FNBP1L: variants seen among roughly 807,000 people sequenced by gnomAD.
The protein encoded by FNBP1L is formin binding protein 1 like.
In FNBP1L, 36 loss-of-function variants were observed where a neutral mutation model predicts 91.2. That is an observed-to-expected ratio of 0.39 (90% confidence interval 0.30 to 0.52). FNBP1L has a LOEUF of 0.52. Ranked by LOEUF, FNBP1L falls within the 20% of genes least tolerant of loss-of-function variation. FNBP1L has a pLI of 0.66. For synonymous variants in FNBP1L, 242 were observed against 237.0 expected (o/e 1.02, Z -0.19); for missense variants, 571 against 732.1 (o/e 0.78, Z 2.54).
At chr1:93,510,857 G>T (rs575113945) in intron 2 of FNBP1L, among the ~76,000 whole-genome samples, 22 of 152,100 alleles carry the variant, frequency 1.4e-4, no homozygotes, top group Non-Finnish European at 2.8e-4. Flanking sequence ...GGGTATCAGC[G>T]ATGGAAGATG....
chr1:93,547,379 T>A lies in FNBP1L; in HGVS notation c.1440T>A (p.Gly480=). Residue 480 remains glycine (G), a synonymous_variant, in exon 14 of 17, where the codon GGT becomes GGA. Transcript: ENST00000271234. Reference sequence around the variant, plus strand: ...TCTCTGAAGTCGAAGGCAAAACAGGTGGGAGAGGAGACAGAAGACATAGCA... The same window carrying A: ...TCTCTGAAGTCGAAGGCAAAACAGGAGGGAGAGGAGACAGAAGACATAGCA... ...AWLSEVEGKT[G]GRGDRRHSSD... 6.4e-7 allele frequency: 1 copy of A among 1,562,008 alleles called. No individual in the cohort carries two copies. The highest frequency in any genetic ancestry group is 1.9e-5 in the Admixed American group (1 of 52,436).
intron 1 of FNBP1L, among the ~76,000 whole-genome samples, chr1:93,480,280 A>G (rs1669651284): frequency 6.6e-6 from 1 of 152,202 alleles, no homozygotes; most frequent in Admixed American, 6.5e-5. Flanking sequence ...TTCCATCCGC[A>G]TACCAACCTA....
At chr1:93,511,348 C>A (rs1670834040) in intron 2 of FNBP1L, among the ~76,000 whole-genome samples, 1 of 152,086 alleles carries the variant, frequency 6.6e-6, no homozygotes, top group Non-Finnish European at 1.5e-5. Context: ...TCATATCCAG[C>A]CAAACTAAGC....
chr1:93,472,685 G>A (rs1251973302), intron 1 of FNBP1L, among the ~76,000 whole-genome samples: 2 of 151,590 alleles, frequency 1.3e-5, no homozygotes, highest in African/African-American at 2.4e-5. Flanking sequence ...GTTGGCGGGC[G>A]CCTGTAGTTC....
At chr1:93,533,178 A>G (rs867057992) in intron 8 of FNBP1L, 110 bp downstream of exon 8, 2 of 856,392 alleles carry the variant, frequency 2.3e-6, no homozygotes, top group Non-Finnish European at 3.4e-6. Context: ...GTGGTTCTAA[A>G]TTATATTCTG....
rs189218064 is a variant in FNBP1L, at chr1:93,544,328, T to C, written c.1274+112T>C. The C allele has an allele frequency of 5.5e-3, 3,244 of 588,142 alleles. 12 individuals are homozygous for C. Among genetic ancestry groups the C allele is most frequent in the Non-Finnish European group, 7.5e-3 (2,783 of 372,846 alleles). 36.4% of individuals were successfully genotyped at this position (588,142 alleles called of 1,614,324 possible). ...AAAATCATATATCCTAATTGAAATATCTTTTGAGAGAGAATTATACTCCTA... is the reference window on the plus strand; with the variant it reads ...AAAATCATATATCCTAATTGAAATACCTTTTGAGAGAGAATTATACTCCTA... On this transcript the variant is annotated intron_variant, in intron 12 of 16. Coordinates refer to ENST00000271234, the MANE Select transcript of FNBP1L (RefSeq NM_001164473.3).
intron 5 of FNBP1L, among the ~76,000 whole-genome samples, chr1:93,525,998 G>T (rs928334830): frequency 6.6e-6 from 1 of 152,100 alleles, no homozygotes; most frequent in Non-Finnish European, 1.5e-5. Context: ...TTCCTAACAC[G>T]TTTGAAATAA....
intron 10 of FNBP1L, among the ~76,000 whole-genome samples, chr1:93,538,866 T>C (rs2101766126): frequency 6.6e-6 from 1 of 152,174 alleles, no homozygotes; most frequent in South Asian, 2.1e-4. Flanking sequence ...CTTTTTCTTT[T>C]CCTTTTTTAA....
chr1:93,451,272 T>A (rs867642901), intron 1 of FNBP1L, among the ~76,000 whole-genome samples: 11 of 152,242 alleles, frequency 7.2e-5, no homozygotes, highest in African/African-American at 1.4e-4. Flanking sequence ...CTAGCTTTTT[T>A]TTAACAGATA....
chr1:93,495,489 G>T (rs572445396), intron 1 of FNBP1L, among the ~76,000 whole-genome samples: 42 of 152,216 alleles, frequency 2.8e-4, no homozygotes, highest in African/African-American at 1.0e-3. Flanking sequence ...ACTAAAGCAG[G>T]AAGTCCACAG....
At chr1:93,509,944 A>G (rs187920620) in intron 2 of FNBP1L, among the ~76,000 whole-genome samples, 4,201 of 152,328 alleles carry the variant, frequency 0.028, 202 homozygotes, top group African/African-American at 0.096. Context: ...TATCCCGCAC[A>G]TGGCTCGGAG....
rs749994754 is a variant in FNBP1L at position 93,527,509 on chromosome 1, T to C, written c.406-2143T>C. On this transcript the variant is annotated intron_variant, in intron 5 of 16. Transcript: ENST00000271234. ...ATTGAGATCCCCTGTTTGCTTCTTC[T>C]GAGGAATTCTCAGAGCACAGGTTGC... is the stretch of plus-strand genomic sequence containing the variant. Among the ~76,000 whole-genome samples the C allele has an allele frequency of 1.5e-4, 23 of 152,150 alleles. 1 individual carries two copies. The highest frequency in any genetic ancestry group is 2.1e-4 in the South Asian group (1 of 4,824).
At chr1:93,523,204 A>T in intron 3 of FNBP1L, 140 bp from the exon 4 acceptor site, 1 of 737,788 alleles carries the variant, frequency 1.4e-6, no homozygotes, top group African/African-American at 1.8e-5. Flanking sequence ...TTTTTTCCAT[A>T]TGAAGTTAAT....
At chr1:93,526,084 A>C (rs1329453992) in intron 5 of FNBP1L, among the ~76,000 whole-genome samples, 1 of 152,170 alleles carries the variant, frequency 6.6e-6, no homozygotes, top group Non-Finnish European at 1.5e-5. Context: ...AAAAAATTAA[A>C]AGACAGTTAT....
intron 13 of FNBP1L, 28 bp from the exon 14 acceptor site, chr1:93,547,319 C>G: frequency 6.7e-7 from 1 of 1,490,366 alleles, no homozygotes; most frequent in Non-Finnish European, 9.2e-7. Context: ...TTATTGAGCT[C>G]AGTTGTTTGC....
rs1484867542 is a variant in FNBP1L at position 93,448,318 on chromosome 1, G to C, written c.24+13G>C. 1.4e-5 allele frequency: 21 copies of C among 1,507,458 alleles called. No individual in the cohort carries two copies. The highest frequency in any genetic ancestry group is 1.9e-5 in the Non-Finnish European group (21 of 1,129,238). 93.4% of individuals were successfully genotyped at this position (1,507,458 alleles called of 1,614,324 possible). On this transcript the variant is annotated intron_variant, in intron 1 of 16. Transcript: ENST00000271234. ...CACGGAGCTGTGGGTGAGTCGGGGA[G>C]AGGGGCGCCCCGCACGGACCCCGGC...
In FNBP1L at chr1:93,552,401, G is replaced by T; in HGVS notation, c.1811-8G>T. On this transcript the variant is annotated splice_polypyrimidine_tract_variant and splice_region_variant and intron_variant, in intron 16 of 16. Coordinates refer to ENST00000271234, the MANE Select transcript of FNBP1L (RefSeq NM_001164473.3). ...AATTGTTCTTTTCTTTTTCCTCCTGGACTGCAGGTTCCTGAAGAGGGTTTC... is the reference window on the plus strand; with the variant it reads ...AATTGTTCTTTTCTTTTTCCTCCTGTACTGCAGGTTCCTGAAGAGGGTTTC... The T allele has an allele frequency of 6.2e-7, 1 of 1,612,014 alleles. No individual in the cohort carries two copies. Among genetic ancestry groups the T allele is most frequent in the South Asian group, 1.1e-5 (1 of 90,648 alleles).
At chr1:93,528,768 A>C (rs1291071906) in intron 5 of FNBP1L, among the ~76,000 whole-genome samples, 1 of 152,160 alleles carries the variant, frequency 6.6e-6, no homozygotes, top group Non-Finnish European at 1.5e-5. Context: ...CAAGAAAATA[A>C]AATCAATAGA....
intron 1 of FNBP1L, among the ~76,000 whole-genome samples, chr1:93,458,196 TCTA>T (rs1668738178): frequency 6.6e-6 from 1 of 152,270 alleles, no homozygotes; most frequent in African/African-American, 2.4e-5. Flanking sequence ...AATAGCATCT[TCTA>T]CTAGTATCTT....
Sources: gnomAD v4.1 joint callset for allele counts (sites outside exome capture counted in the v4.1 genomes callset) on GRCh38, gnomAD v4.1.1 for gene constraint, MANE v1.5 for transcripts, NCBI Gene and HGNC (gene_info 2026-07-23, HGNC 2026-07-21) for gene names.